CAST: variants seen among roughly 807,000 people sequenced by gnomAD.
The protein encoded by CAST is MIR583 host.
In CAST, 76 loss-of-function variants were observed where a neutral mutation model predicts 119.6. The ratio of observed to expected loss-of-function variants is 0.64; its 90% confidence interval spans 0.53 to 0.77. The LOEUF is 0.77. CAST is among the 30% of genes least tolerant of loss of function. The pLI, the probability that CAST is intolerant of heterozygous loss-of-function variation, is 0.00. For missense variants in CAST, 953 were observed against 946.5 expected, an observed-to-expected ratio of 1.01 and a Z score of -0.09; for synonymous variants, 319 against 331.6, an observed-to-expected ratio of 0.96 and a Z score of 0.41.
At chr5:96,740,489 T>C (rs1416355793) in intron 12 of CAST, among the ~76,000 whole-genome samples, 2 of 152,164 alleles carry the variant, frequency 1.3e-5, no homozygotes, top group African/African-American at 4.8e-5. Context: ...TATGCATATC[T>C]CTGGGTCCAA....
chr5:96,657,103 A>C (rs1748170618), upstream of CAST, among the ~76,000 whole-genome samples: 4 of 152,234 alleles, frequency 2.6e-5, no homozygotes, highest in Non-Finnish European at 5.9e-5. Context: ...ATCTGCAACA[A>C]GAAGGATCAA....
intron 29 of CAST, chr5:96,770,015 T>A (rs944440441): frequency 2.0e-5 from 3 of 152,820 alleles, no homozygotes; most frequent in Non-Finnish European, 4.4e-5. Flanking sequence ...TGAGTAATGT[T>A]GCAGTGAATA....
At chr5:96,261,911 T>C in the CAST span, among the ~76,000 whole-genome samples, 1 of 152,238 alleles carries the variant, frequency 6.6e-6, no homozygotes, top group East Asian at 1.9e-4. Flanking sequence ...AGGAACATTC[T>C]TTTTATGATC....
the CAST span, among the ~76,000 whole-genome samples, chr5:96,211,142 AT>A: frequency 6.6e-6 from 1 of 151,942 alleles, no homozygotes; most frequent in Non-Finnish European, 1.5e-5. Flanking sequence ...TTCCTAATCA[AT>A]GTAATTTTTA....
chr5:96,748,657 TCTTAAAAAAAAATTGTGAGACAGA>T (rs780203003), intron 19 of CAST, 44 bp downstream of exon 19: 1 of 980,120 alleles, frequency 1.0e-6, no homozygotes, highest in Non-Finnish European at 1.6e-6. Context: ...AGGTTTGTGA[TCTTAAAAAAAAATTGTGAGACAGA>T]CTGTTTTAGC....
the CAST span, among the ~76,000 whole-genome samples, chr5:96,334,132 A>G: frequency 6.6e-6 from 1 of 152,132 alleles, no homozygotes; most frequent in South Asian, 2.1e-4. Flanking sequence ...GTCATATAGC[A>G]CAGTTTTGTT....
chr5:96,515,162 C>CT, the CAST span, among the ~76,000 whole-genome samples: 1 of 151,840 alleles, frequency 6.6e-6, no homozygotes, highest in Non-Finnish European at 1.5e-5. Context: ...GGGAGTGCTT[C>CT]AAAAATGAAA....
At chr5:96,101,146 A>G in the CAST span, among the ~76,000 whole-genome samples, 1 of 152,182 alleles carries the variant, frequency 6.6e-6, no homozygotes, top group Non-Finnish European at 1.5e-5. Flanking sequence ...CCTGGCCTCA[A>G]GTGATCCTTC....
At chr5:96,089,862 G>T in the CAST span, among the ~76,000 whole-genome samples, 5 of 152,138 alleles carry the variant, frequency 3.3e-5, no homozygotes, top group African/African-American at 1.2e-4. Flanking sequence ...GTAAATAGAA[G>T]ATGTTGATTT....
At chr5:96,550,022 C>T (rs760274018) in intron 1 of CAST, among the ~76,000 whole-genome samples, 1 of 152,216 alleles carries the variant, frequency 6.6e-6, no homozygotes, top group African/African-American at 2.4e-5. Flanking sequence ...CAGACTTAAA[C>T]GTCCCTGCCC....
chr5:96,080,340 T>C, the CAST span, among the ~76,000 whole-genome samples: 2 of 152,182 alleles, frequency 1.3e-5, no homozygotes, highest in African/African-American at 4.8e-5. Flanking sequence ...AATGCTATCA[T>C]TGGATGATAA....
the CAST span, among the ~76,000 whole-genome samples, chr5:96,053,897 G>A: frequency 2.0e-5 from 3 of 152,280 alleles, no homozygotes; most frequent in Admixed American, 2.0e-4. Context: ...ATGGCATCAG[G>A]ATGCCTCCCC....
the CAST span, among the ~76,000 whole-genome samples, chr5:96,358,968 C>A: frequency 1.3e-5 from 2 of 151,986 alleles, no homozygotes. Context: ...TGTGTGGGAG[C>A]CTAAGTCTCT....
chr5:95,998,428 G>T, the CAST span, among the ~76,000 whole-genome samples: 1 of 151,938 alleles, frequency 6.6e-6, no homozygotes, highest in Non-Finnish European at 1.5e-5. Context: ...CCCACCTTTT[G>T]TAGACTCCAG....
chr5:95,961,491 C>T, the CAST span: 1 of 1,351,392 alleles, frequency 7.4e-7, no homozygotes, highest in Non-Finnish European at 9.5e-7. Context: ...GCCACGGCTC[C>T]GCCGGCCCCG....
intron 2 of CAST, among the ~76,000 whole-genome samples, chr5:96,694,350 A>G (rs1421532130): frequency 2.0e-5 from 3 of 152,186 alleles, no homozygotes; most frequent in African/African-American, 7.2e-5. Flanking sequence ...ATAAAGCTTT[A>G]TACTTGGCCA....
the CAST span, among the ~76,000 whole-genome samples, chr5:96,492,250 C>T: frequency 1.1e-3 from 168 of 152,316 alleles, 1 homozygote; most frequent in Middle Eastern, 6.8e-3. Flanking sequence ...AAAGTTTGAC[C>T]AGTTGAAGTT....
chr5:96,581,588 AG>A (rs930956291), intron 1 of CAST, among the ~76,000 whole-genome samples: 128 of 152,336 alleles, frequency 8.4e-4, no homozygotes, highest in African/African-American at 3.0e-3. Flanking sequence ...TTTACTGCAA[AG>A]CCTTAAAAAC....
At chr5:96,151,010 A>G in the CAST span, among the ~76,000 whole-genome samples, 31 of 152,356 alleles carry the variant, frequency 2.0e-4, no homozygotes, top group East Asian at 4.4e-3. Context: ...GAGAAAGCTG[A>G]CAAGGCTGTC....
Sources: gnomAD v4.1 joint callset for allele counts (sites outside exome capture counted in the v4.1 genomes callset) on GRCh38, gnomAD v4.1.1 for gene constraint, MANE v1.5 for transcripts, NCBI Gene and HGNC (gene_info 2026-07-23, HGNC 2026-07-21) for gene names.